The following PRDM16 variants were observed in gnomAD, a reference collection of about 807,000 sequenced individuals.
PRDM16 encodes the protein histone-lysine N-methyltransferase PRDM16.
Under a neutral mutation model 110.6 loss-of-function variants are expected in PRDM16, and 23 were observed. The ratio of observed to expected loss-of-function variants is 0.21; its 90% CI spans 0.15 to 0.29. The LOEUF is 0.29. PRDM16 is among the 10% of genes least tolerant of loss of function. The pLI, the probability that PRDM16 is intolerant of heterozygous loss-of-function variation, is 1.00. For synonymous variants in PRDM16, 799 were observed against 781.8 expected, an observed-to-expected ratio of 1.02 and a Z score of -0.37; for missense variants, 1,615 against 1,794.3, an observed-to-expected ratio of 0.90 and a Z score of 1.81.
At chr1:3,109,845 A>G (rs1642744358) in intron 1 of PRDM16, among the ~76,000 whole-genome samples, 1 of 152,210 alleles carries the variant, frequency 6.6e-6, no homozygotes, top group Non-Finnish European at 1.5e-5. Flanking sequence ...GGGGAAGCTC[A>G]TTTGTGTTGG....
rs772116079 is a variant in PRDM16, at chr1:3,350,718, G to A, written c.439-34434G>A. ...ATGCAGCCTCCCAGATGGCCGGGCC[G>A]GGCTGGTTCCTCCCTCCCAGGACAA... On this transcript the variant is annotated intron_variant, in intron 3 of 16. Coordinates refer to ENST00000270722, the MANE Select transcript of PRDM16 (RefSeq NM_022114.4). The surrounding 1 kb of genome is among the most constrained non-coding windows in gnomAD (Gnocchi z 7.1). Among the ~76,000 whole-genome samples the A allele has an allele frequency of 1.3e-4, 20 of 152,126 alleles. No homozygotes were observed. Among genetic ancestry groups the A allele is most frequent in the Non-Finnish European group, 2.2e-4 (15 of 68,016 alleles).
At chr1:3,327,733 A>G (rs1570081558) in intron 3 of PRDM16, among the ~76,000 whole-genome samples, 1 of 152,122 alleles carries the variant, frequency 6.6e-6, no homozygotes, top group South Asian at 2.1e-4. Flanking sequence ...CCACCACTGC[A>G]CTTGGCCCCC....
intron 8 of PRDM16, among the ~76,000 whole-genome samples, chr1:3,409,716 TTGTGTGGTGTGTGTAG>T (rs1643637859): frequency 7.1e-6 from 1 of 140,688 alleles, no homozygotes; most frequent in Non-Finnish European, 1.5e-5. Flanking sequence ...TGTGTGTGGT[TTGTGTGGTGTGTGTAG>T]TGTGGGTGTG....
At chr1:3,095,104 G>A (rs1288928055) in intron 1 of PRDM16, among the ~76,000 whole-genome samples, 3 of 152,350 alleles carry the variant, frequency 2.0e-5, no homozygotes, top group East Asian at 3.9e-4. Flanking sequence ...CGAGCAGCCA[G>A]GGGTCTCCCA....
intron 3 of PRDM16, among the ~76,000 whole-genome samples, chr1:3,296,716 G>A (rs1302667157): frequency 2.0e-5 from 3 of 152,246 alleles, no homozygotes; most frequent in Non-Finnish European, 4.4e-5. Context: ...AGTAGGAAAG[G>A]ATATGGCCGG....
At chr1:3,414,727 C>T (rs1234212987) in intron 10 of PRDM16, 80 bp downstream of exon 10, 3 of 1,117,366 alleles carry the variant, frequency 2.7e-6, no homozygotes, top group Non-Finnish European at 4.0e-6. Flanking sequence ...GGCTCAGTGG[C>T]CAGGCTGGAG....
intron 4 of PRDM16, among the ~76,000 whole-genome samples, chr1:3,394,848 AT>A (rs35210583): frequency 0.39 from 58,405 of 151,064 alleles, 11,570 homozygotes; most frequent in East Asian, 0.6. Context: ...CCACTGTGTG[AT>A]TTTTTTTTTT....
intron 3 of PRDM16, among the ~76,000 whole-genome samples, chr1:3,252,186 G>C (rs1487079466): frequency 6.6e-6 from 1 of 152,198 alleles, no homozygotes. Flanking sequence ...TCTCCCTGTA[G>C]CTAGGTGCCC....
rs1266397634 is a variant in PRDM16 at position 3,244,919 on chromosome 1, C to T, written c.438+782C>T. Reference sequence around the variant, plus strand: ...GACGTCCACAGACACAGCACGCTCACACGTGGTGGCTGATCTCCTATTTTT... The same window carrying T: ...GACGTCCACAGACACAGCACGCTCATACGTGGTGGCTGATCTCCTATTTTT... On this transcript the variant is annotated intron_variant, in intron 3 of 16. Coordinates refer to ENST00000270722, the MANE Select transcript of PRDM16 (RefSeq NM_022114.4). The surrounding 1 kb of genome is among the most constrained non-coding windows in gnomAD (Gnocchi z 4.1). Among the ~76,000 whole-genome samples the T allele has an allele frequency of 1.3e-5, 2 of 152,230 alleles. 1 individual carries two copies. The highest frequency in any genetic ancestry group is 6.3e-3 in the Middle Eastern group (2 of 316).
intron 1 of PRDM16, among the ~76,000 whole-genome samples, chr1:3,153,285 G>A (rs1288497046): frequency 6.6e-6 from 1 of 152,266 alleles, no homozygotes; most frequent in Non-Finnish European, 1.5e-5. Context: ...GGTGAGGAAC[G>A]TGGGCCTGGG....
At position 3,391,598 on chromosome 1, in the gene PRDM16, G is replaced by A. The variant is rs559770378; in HGVS notation, c.574-4893G>A. ...CAGAGTTTTATTTCATGTCTGGGTC[G>A]CTGGGATGGTGACGGCATATCGCAC... On this transcript the variant is annotated intron_variant, in intron 4 of 16. Transcript: ENST00000270722. Among the ~76,000 whole-genome samples the A allele has an allele frequency of 2.7e-3, 414 of 152,320 alleles. 3 individuals are homozygous for A. The highest frequency in any genetic ancestry group is 6.8e-3 in the Middle Eastern group (2 of 294).
chr1:3,330,336 G>A (rs1013550917), intron 3 of PRDM16, among the ~76,000 whole-genome samples: 5 of 152,234 alleles, frequency 3.3e-5, no homozygotes, highest in Non-Finnish European at 5.9e-5. Flanking sequence ...TGCTTTTTGT[G>A]TCTAAGTCTT....
chr1:3,425,890 C>T lies in PRDM16; in HGVS notation c.3109+140C>T, dbSNP rs1163221958. 1 of 1,275,082 alleles carries T rather than the reference C, an allele frequency of 7.8e-7. No homozygotes were observed. Among genetic ancestry groups the T allele is most frequent in the Non-Finnish European group, 1.1e-6 (1 of 928,888 alleles). The allele number at this position is 1,275,082 out of a possible 1,614,324, so 79.0% of individuals were successfully genotyped here. On this transcript the variant is annotated intron_variant, in intron 13 of 16. Coordinates refer to ENST00000270722, the MANE Select transcript of PRDM16 (RefSeq NM_022114.4). This position sits in a 1 kb window ranked among gnomAD's most constrained non-coding sequence, Gnocchi z 6.9. ...CCCCTCAGGAAGCCAACAGGCACCC[C>T]TCAAACCGTGGTCATTAAAGAGAAC...
chr1:3,162,172 C>T (rs975222982), intron 1 of PRDM16, among the ~76,000 whole-genome samples: 1 of 152,150 alleles, frequency 6.6e-6, no homozygotes, highest in Admixed American at 6.5e-5. Context: ...TCAATATGCC[C>T]GGGCCACTGC....
At chr1:3,218,604 A>T (rs1639084396) in intron 2 of PRDM16, among the ~76,000 whole-genome samples, 1 of 152,298 alleles carries the variant, frequency 6.6e-6, no homozygotes, top group South Asian at 2.1e-4. Flanking sequence ...TTAGAAAGGG[A>T]TGTTCTCTGC....
At chr1:3,189,486 G>T (rs1638244425) in intron 2 of PRDM16, among the ~76,000 whole-genome samples, 1 of 152,200 alleles carries the variant, frequency 6.6e-6, no homozygotes, top group Non-Finnish European at 1.5e-5. Flanking sequence ...TCAGGCCTGG[G>T]ACAACCCATG....
intron 3 of PRDM16, among the ~76,000 whole-genome samples, chr1:3,278,975 C>T (rs922544828): frequency 1.8e-4 from 27 of 152,228 alleles, no homozygotes; most frequent in African/African-American, 6.0e-4. Context: ...GTGCCGAGCG[C>T]GGCGCTGGCC....
intron 12 of PRDM16, among the ~76,000 whole-genome samples, chr1:3,420,559 C>T (rs1485089843): frequency 1.3e-5 from 2 of 152,302 alleles, no homozygotes; most frequent in East Asian, 3.9e-4. Flanking sequence ...AAGCCTCTTC[C>T]GTTTAAGTCC....
chr1:3,086,572 T>C (rs1268161037), intron 1 of PRDM16, among the ~76,000 whole-genome samples: 1 of 152,128 alleles, frequency 6.6e-6, no homozygotes, highest in African/African-American at 2.4e-5. Context: ...ATCTGGATGC[T>C]TCCTGGTCCT....
Sources: gnomAD v4.1 joint callset for allele counts (sites outside exome capture counted in the v4.1 genomes callset) on GRCh38, gnomAD v4.1.1 for gene constraint, Gnocchi (gnomAD v3.1) non-coding constraint, MANE v1.5 for transcripts, NCBI Gene and HGNC (gene_info 2026-07-23, HGNC 2026-07-21) for gene names.